Variants in LRMDA observed in about 807,000 individuals in gnomAD.
The protein encoded by LRMDA is leucine rich melanocyte differentiation associated, also known as leucine-rich melanocyte differentiation-associated protein.
LRMDA carries 18 observed loss-of-function variants against 29.8 expected under a neutral mutation model. The observed-to-expected ratio is 0.60, with a 90% CI of 0.42 to 0.90. LRMDA has a LOEUF of 0.90. LRMDA is among the 40% of genes least tolerant of loss of function. The pLI, the probability that LRMDA is intolerant of heterozygous loss-of-function variation, is 0.00. For synonymous variants in LRMDA, 125 were observed against 109.4 expected, an observed-to-expected ratio of 1.14 and a Z score of -0.89; for missense variants, 273 against 273.9, an observed-to-expected ratio of 1.00 and a Z score of 0.02.
At chr10:75,929,684 T>C (rs992938155) in intron 2 of LRMDA, among the ~76,000 whole-genome samples, 1 of 152,138 alleles carries the variant, frequency 6.6e-6, no homozygotes, top group African/African-American at 2.4e-5. Context: ...CCACTGTGGG[T>C]TAGTCTTTTA....
chr10:76,374,796 A>G (rs1564524006), intron 6 of LRMDA, among the ~76,000 whole-genome samples: 1 of 152,174 alleles, frequency 6.6e-6, no homozygotes, highest in Non-Finnish European at 1.5e-5. Flanking sequence ...TTAGATTTGA[A>G]CAACAACTCT....
intron 2 of LRMDA, among the ~76,000 whole-genome samples, chr10:76,028,963 C>T (rs528899848): frequency 1.1e-4 from 16 of 152,038 alleles, no homozygotes; most frequent in Admixed American, 7.2e-4. Context: ...ACTACAGGCA[C>T]GTGCCACCAC....
chr10:76,384,168 G>A (rs1278567332), intron 6 of LRMDA, among the ~76,000 whole-genome samples: 1 of 152,036 alleles, frequency 6.6e-6, no homozygotes, highest in African/African-American at 2.4e-5. Context: ...TTTGACTGAG[G>A]GTAGCATGAC....
chr10:75,792,631 C>T (rs12249911), intron 2 of LRMDA, among the ~76,000 whole-genome samples: 30,927 of 152,044 alleles, frequency 0.2, 3,307 homozygotes, highest in African/African-American at 0.25. Flanking sequence ...CCTGCAGTGG[C>T]GAACAGCAGG....
At chr10:76,397,712 A>T (rs1841801692) in intron 6 of LRMDA, among the ~76,000 whole-genome samples, 1 of 152,164 alleles carries the variant, frequency 6.6e-6, no homozygotes. Context: ...CGAGCAGATT[A>T]ATCATTTTGA....
intron 5 of LRMDA, among the ~76,000 whole-genome samples, chr10:76,127,860 AG>A (rs1047668230): frequency 2.6e-5 from 4 of 152,222 alleles, no homozygotes; most frequent in African/African-American, 9.6e-5. Context: ...CATATGCAAA[AG>A]AAAAGACCTA....
At chr10:75,855,133 G>A (rs929507632) in intron 2 of LRMDA, among the ~76,000 whole-genome samples, 4 of 152,198 alleles carry the variant, frequency 2.6e-5, no homozygotes, top group African/African-American at 9.7e-5. Context: ...GATCCCTGAG[G>A]AATCGCCAGA....
At chr10:75,826,712 G>A (rs377226465) in intron 2 of LRMDA, among the ~76,000 whole-genome samples, 4 of 152,136 alleles carry the variant, frequency 2.6e-5, no homozygotes, top group African/African-American at 7.2e-5. Flanking sequence ...TAGAGAGGCC[G>A]ATCCTTGCAA....
At chr10:75,888,297 G>A (rs980279702) in intron 2 of LRMDA, among the ~76,000 whole-genome samples, 33 of 152,166 alleles carry the variant, frequency 2.2e-4, no homozygotes, top group Admixed American at 1.4e-3. Flanking sequence ...TGATGAGTTC[G>A]TGATCCACAA....
intron 5 of LRMDA, among the ~76,000 whole-genome samples, chr10:76,182,298 A>T (rs1461831994): frequency 6.6e-6 from 1 of 152,158 alleles, no homozygotes; most frequent in Non-Finnish European, 1.5e-5. Context: ...CCTCACTATC[A>T]TGAGAACAGT....
intron 2 of LRMDA, among the ~76,000 whole-genome samples, chr10:75,523,324 A>G (rs974330291): frequency 6.6e-6 from 1 of 152,148 alleles, no homozygotes; most frequent in Non-Finnish European, 1.5e-5. Context: ...TCATCCCATA[A>G]CTACATGGTG....
At chr10:75,817,225 C>G (rs995303522) in intron 2 of LRMDA, among the ~76,000 whole-genome samples, 2 of 152,214 alleles carry the variant, frequency 1.3e-5, no homozygotes, top group Non-Finnish European at 2.9e-5. Flanking sequence ...GAGGCCAGAA[C>G]TCAACCCAAG....
intron 5 of LRMDA, among the ~76,000 whole-genome samples, chr10:76,284,611 A>G (rs1408172096): frequency 6.6e-6 from 1 of 152,106 alleles, no homozygotes; most frequent in Non-Finnish European, 1.5e-5. Flanking sequence ...TTTAACCCTG[A>G]TTTTGAAATC....
At chr10:75,553,041 C>T (rs539334099) in intron 2 of LRMDA, among the ~76,000 whole-genome samples, 377 of 152,262 alleles carry the variant, frequency 2.5e-3, no homozygotes, top group Middle Eastern at 0.014. Flanking sequence ...TGCATCACAT[C>T]TGTTTCTGGT....
intron 6 of LRMDA, among the ~76,000 whole-genome samples, chr10:76,547,822 G>A (rs1018399224): frequency 6.6e-6 from 1 of 152,094 alleles, no homozygotes; most frequent in African/African-American, 2.4e-5. Context: ...AATCTGAAGG[G>A]ATTCGCATCC....
Position 76,354,226 on chromosome 10 carries a change from A to T in LRMDA, c.601+29741A>T, listed in dbSNP as rs550653524. Among the ~76,000 whole-genome samples, 53 of 152,308 alleles carry T rather than the reference A, an allele frequency of 3.5e-4. 1 individual carries two copies. In the South Asian group the frequency reaches 4.6e-3, roughly 13 times the overall value. On this transcript the variant is annotated intron_variant, in intron 6 of 6. Transcript: ENST00000611255. ...AGGTCTCTGGTGACAGTGTAAGCCA[A>T]TATTGAAGATTTCAAAGGAGAATCT...
At chr10:76,160,024 T>A (rs1053560800) in intron 5 of LRMDA, among the ~76,000 whole-genome samples, 5 of 152,016 alleles carry the variant, frequency 3.3e-5, no homozygotes, top group African/African-American at 4.8e-5. Context: ...AACTATGAGC[T>A]TTGAGTAATA....
chr10:76,122,307 G>GCTGTGT (rs1177141436), intron 5 of LRMDA, among the ~76,000 whole-genome samples: 34 of 151,846 alleles, frequency 2.2e-4, no homozygotes, highest in African/African-American at 7.7e-4. Context: ...TCCTGCTTGG[G>GCTGTGT]CTGTGTCCAG....
intron 2 of LRMDA, among the ~76,000 whole-genome samples, chr10:75,443,168 C>T (rs1456028408): frequency 6.6e-6 from 1 of 152,110 alleles, no homozygotes; most frequent in Non-Finnish European, 1.5e-5. Flanking sequence ...AATTTTACTT[C>T]CTCCTTTCCA....
Sources: gnomAD v4.1 joint callset for allele counts (sites outside exome capture counted in the v4.1 genomes callset) on GRCh38, gnomAD v4.1.1 for gene constraint, MANE v1.5 for transcripts, NCBI Gene and HGNC (gene_info 2026-07-23, HGNC 2026-07-21) for gene names.